Variants in RIOK3 observed in about 807,000 individuals in gnomAD.
The protein encoded by RIOK3 is RIO kinase 3, also known as serine/threonine-protein kinase RIO3.
In RIOK3, 40 loss-of-function variants were observed where a neutral mutation model predicts 63.5. The ratio of observed to expected loss-of-function variants is 0.63; its 90% CI spans 0.49 to 0.82. The LOEUF (loss-of-function observed/expected upper bound fraction) is 0.82, where lower values mean the gene tolerates loss of function less well. Ranked by LOEUF, RIOK3 falls within the 40% of genes least tolerant of loss-of-function variation. The pLI is 0.00. For synonymous variants in RIOK3, 193 were observed against 205.0 expected (o/e 0.94, Z 0.50); for missense variants, 557 against 637.0 (o/e 0.87, Z 1.35).
In RIOK3 at chr18:23,453,345, A is replaced by C. The variant is rs2057315446; in HGVS notation, c.-95A>C. ...CTGTCACCTCCACTCCGGCATCAGC[A>C]GCCAGTCGCCCGTGTCCCGCCTGTC... On this transcript the variant is annotated 5_prime_UTR_variant, in exon 1 of 13. Transcript: ENST00000339486. The C allele has an allele frequency of 1.9e-6, 2 of 1,026,126 alleles. No individual in the cohort carries two copies. Among genetic ancestry groups the C allele is most frequent in the East Asian group, 2.4e-5 (1 of 41,896 alleles). 63.6% of individuals were successfully genotyped at this position (1,026,126 alleles called of 1,614,324 possible).
At chr18:23,471,052 A>G (rs1486596757) in intron 7 of RIOK3, among the ~76,000 whole-genome samples, 3 of 152,242 alleles carry the variant, frequency 2.0e-5, no homozygotes, top group Non-Finnish European at 2.9e-5. Flanking sequence ...TCTTCCAGGT[A>G]CTAGGGATAC....
At chr18:23,461,062 A>G (rs576158699) in intron 1 of RIOK3, among the ~76,000 whole-genome samples, 4 of 152,340 alleles carry the variant, frequency 2.6e-5, no homozygotes, top group Non-Finnish European at 5.9e-5. Context: ...TCAGGCATAA[A>G]TATAGTTATC....
At chr18:23,462,301 C>T (rs1164094973) in intron 1 of RIOK3, among the ~76,000 whole-genome samples, 2 of 151,602 alleles carry the variant, frequency 1.3e-5, no homozygotes, top group Non-Finnish European at 2.9e-5. Context: ...CACCACAGCC[C>T]GCTAATTGTT....
At position 23,453,393 on chromosome 18, in the gene RIOK3, G is replaced by T; in HGVS notation, c.-47G>T. Reference sequence around the variant, plus strand: ...GTCTCCTCGGCGGAGCCTGCTGCCCGTCCTGCCACCTCTCTGCTCTGTTCT... The same window carrying T: ...GTCTCCTCGGCGGAGCCTGCTGCCCTTCCTGCCACCTCTCTGCTCTGTTCT... On this transcript the variant is annotated 5_prime_UTR_variant, in exon 1 of 13. Transcript: ENST00000339486. 6.7e-7 allele frequency: 1 copy of T among 1,492,136 alleles called. No individual in the cohort carries two copies. 92.4% of individuals were successfully genotyped at this position (1,492,136 alleles called of 1,614,324 possible).
chr18:23,472,030 C>T (rs570677550), intron 7 of RIOK3, among the ~76,000 whole-genome samples: 6 of 152,028 alleles, frequency 3.9e-5, no homozygotes, highest in East Asian at 1.9e-4. Context: ...GTCAGGAGTT[C>T]GAGACCAGCC....
At chr18:23,473,173 G>A (rs1043428886) in intron 7 of RIOK3, among the ~76,000 whole-genome samples, 3 of 152,034 alleles carry the variant, frequency 2.0e-5, no homozygotes, top group Admixed American at 6.6e-5. Flanking sequence ...GCTTGATTCC[G>A]TAGTCATTAA....
rs1598799427 is a variant in RIOK3, at chr18:23,453,376, G to A, written c.-64G>A. On this transcript the variant is annotated 5_prime_UTR_variant, in exon 1 of 13. Transcript: ENST00000339486. ...TCGCCCGTGTCCCGCCTGTCTCCTC[G>A]GCGGAGCCTGCTGCCCGTCCTGCCA... The A allele has an allele frequency of 1.5e-6, 2 of 1,355,602 alleles. No homozygotes were observed. The highest frequency in any genetic ancestry group is 2.3e-5 in the East Asian group (1 of 43,480). The allele number at this position is 1,355,602 out of a possible 1,614,324, so 84.0% of individuals were successfully genotyped here. A position where few individuals can be genotyped will look rare whatever the true frequency, so the allele number is the denominator to read the frequency against.
chr18:23,458,680 G>A (rs1279669566), intron 1 of RIOK3, among the ~76,000 whole-genome samples: 5 of 152,230 alleles, frequency 3.3e-5, no homozygotes, highest in African/African-American at 4.8e-5. Context: ...GCGGTTTACT[G>A]AAGAGTCACA....
rs2057538913 is a variant in RIOK3, at chr18:23,482,102, T to G, written c.*823T>G. ...TTAACCATGTTTGACGTATTTTAAT[T>G]TAGTTAATGAAGCAAAATTCAGTTT... is the stretch of plus-strand genomic sequence containing the variant. On this transcript the variant is annotated 3_prime_UTR_variant, in exon 13 of 13. Coordinates refer to ENST00000339486, the MANE Select transcript of RIOK3 (RefSeq NM_003831.5). 1 of 152,228 alleles carries G rather than the reference T, an allele frequency of 6.6e-6. No individual in the cohort carries two copies. Among genetic ancestry groups the G allele is most frequent in the Non-Finnish European group, 1.5e-5 (1 of 68,044 alleles). The allele number at this position is 152,228 out of a possible 1,614,324, so 9.4% of individuals were successfully genotyped here. A position where few individuals can be genotyped will look rare whatever the true frequency, so the allele number is the denominator to read the frequency against.
At chr18:23,475,318 A>G (rs1218648829) in intron 9 of RIOK3, among the ~76,000 whole-genome samples, 1 of 151,882 alleles carries the variant, frequency 6.6e-6, no homozygotes, top group Non-Finnish European at 1.5e-5. Flanking sequence ...AAAATACAAA[A>G]AAATTAGCTG....
intron 1 of RIOK3, among the ~76,000 whole-genome samples, chr18:23,462,047 C>A (rs548991370): frequency 0.012 from 1,716 of 146,144 alleles, 45 homozygotes; most frequent in African/African-American, 0.042. Flanking sequence ...GCCGAGATCA[C>A]GCCACTGTAC....
rs76224364 is a variant in RIOK3, at chr18:23,471,342, A to G, written c.816-2087A>G. On this transcript the variant is annotated intron_variant, in intron 7 of 12. Transcript: ENST00000339486. ...ACAGCTAGTGCTAATGCCTTAGGAC[A>G]GGTACAAAGTTAGTATCTTTGAGGG... Among the ~76,000 whole-genome samples, 1,367 of 152,284 alleles carry G rather than the reference A, an allele frequency of 9.0e-3. 18 individuals are homozygous for G. Among genetic ancestry groups the G allele is most frequent in the African/African-American group, 0.031 (1,307 of 41,564 alleles).
chr18:23,480,590 C>CACACACACAT (rs66644690), intron 12 of RIOK3, among the ~76,000 whole-genome samples: 6 of 148,300 alleles, frequency 4.0e-5, no homozygotes, highest in South Asian at 2.1e-4. Flanking sequence ...CACACACACA[C>CACACACACAT]ATAGTAATTT....
At chr18:23,474,244 A>C (rs887347650) in intron 8 of RIOK3, among the ~76,000 whole-genome samples, 1 of 152,122 alleles carries the variant, frequency 6.6e-6, no homozygotes, top group African/African-American at 2.4e-5. Context: ...TTCCCCACCA[A>C]AATAAGCCAG....
rs933353858 is a variant in RIOK3 at position 23,453,626 on chromosome 18, G to T, written c.63+124G>T. 3.7e-5 allele frequency: 31 copies of T among 827,428 alleles called. No individual in the cohort carries two copies. In the African/African-American group the frequency reaches 4.6e-4, roughly 12 times the overall value. The allele number at this position is 827,428 out of a possible 1,614,324, so 51.3% of individuals were successfully genotyped here. A position where few individuals can be genotyped will look rare whatever the true frequency, so the allele number is the denominator to read the frequency against. ...CTGGGGCGGGACCCCGCGGACCTCG[G>T]CAAGGGGGCACTGGCCGCGGGGGTG... On this transcript the variant is annotated intron_variant, in intron 1 of 12. Coordinates refer to ENST00000339486, the MANE Select transcript of RIOK3 (RefSeq NM_003831.5).
intron 5 of RIOK3, among the ~76,000 whole-genome samples, chr18:23,465,773 C>T (rs2057402669): frequency 6.6e-6 from 1 of 152,230 alleles, no homozygotes; most frequent in South Asian, 2.1e-4. Context: ...CCACTCTCCA[C>T]AAATAATTAC....
chr18:23,475,941 C>CTTTTTTTTT (rs374984418), intron 9 of RIOK3, among the ~76,000 whole-genome samples: 1 of 80,024 alleles, frequency 1.2e-5, no homozygotes, highest in African/African-American at 4.6e-5. Flanking sequence ...TTTTTTGGGG[C>CTTTTTTTTT]TTTTTTTTTT....
chr18:23,470,074 T>C (rs1348670251), intron 7 of RIOK3, among the ~76,000 whole-genome samples: 2 of 152,074 alleles, frequency 1.3e-5, no homozygotes, highest in East Asian at 3.9e-4. Flanking sequence ...CATAATGAAG[T>C]TGGATCTCAA....
intron 1 of RIOK3, among the ~76,000 whole-genome samples, chr18:23,462,177 T>TCACC (rs1407639523): frequency 6.9e-6 from 1 of 143,960 alleles, no homozygotes; most frequent in African/African-American, 2.5e-5. Flanking sequence ...TCTCATTCTG[T>TCACC]CACCCAGGCT....
Sources: gnomAD v4.1 joint callset for allele counts (sites outside exome capture counted in the v4.1 genomes callset) on GRCh38, gnomAD v4.1.1 for gene constraint, MANE v1.5 for transcripts, NCBI Gene and HGNC (gene_info 2026-07-23, HGNC 2026-07-21) for gene names.